The following HSD17B7 variants were observed in gnomAD, a reference collection of about 807,000 sequenced individuals.
The protein encoded by HSD17B7 is 3-keto-steroid reductase/17-beta-hydroxysteroid dehydrogenase 7.
In HSD17B7, 17 loss-of-function variants were observed where a neutral mutation model predicts 34.1. The observed-to-expected ratio is 0.50, with a 90% CI of 0.34 to 0.75. The LOEUF is 0.75. Ranked by LOEUF, HSD17B7 falls within the 30% of genes least tolerant of loss-of-function variation. The probability of loss-of-function intolerance (pLI) is 0.01; values close to 1 mark genes in which losing one functional copy is unlikely to be tolerated. For missense variants in HSD17B7, 296 were observed against 406.6 expected, an observed-to-expected ratio of 0.73 and a Z score of 2.34; for synonymous variants, 122 against 154.6, an observed-to-expected ratio of 0.79 and a Z score of 1.56.
chr1:162,810,519 CTTG>C (rs1444241592), intron 8 of HSD17B7, among the ~76,000 whole-genome samples: 6 of 152,194 alleles, frequency 3.9e-5, no homozygotes, highest in African/African-American at 1.2e-4. Flanking sequence ...AACTTTCTGT[CTTG>C]TTGATCTGTC....
intron 8 of HSD17B7, among the ~76,000 whole-genome samples, chr1:162,810,288 A>C (rs1030082278): frequency 6.6e-6 from 1 of 152,134 alleles, no homozygotes; most frequent in Admixed American, 6.5e-5. Flanking sequence ...CCTGAGTTCT[A>C]GTTTGATTGC....
Position 162,799,774 on chromosome 1 carries a change from G to C in HSD17B7, c.479G>C (p.Ser160Thr). The part of the protein sequence containing the change: ...IRELEPLLCH[S>T]DNPSQLIWTS... ...GAACTGGAGCCTCTCCTCTGTCACA[G>C]TGACAATCCATCTCAGCTCATCTGG... Residue 160 changes from serine (S) to threonine (T), a missense_variant, in exon 5 of 9, where the codon AGT (serine) becomes ACT (threonine). Physicochemically the swap from Ser to Thr is moderately conservative, Grantham distance 58. Transcript: ENST00000254521. The C allele has an allele frequency of 1.2e-6, 2 of 1,613,556 alleles. No homozygotes were observed. Among genetic ancestry groups the C allele is most frequent in the Non-Finnish European group, 1.7e-6 (2 of 1,179,804 alleles).
At chr1:162,797,977 G>T in intron 4 of HSD17B7, 61 bp downstream of exon 4, 2 of 1,577,496 alleles carry the variant, frequency 1.3e-6, no homozygotes, top group Non-Finnish European at 1.7e-6. Flanking sequence ...TAAAGCTCTG[G>T]GCACAGGGCA....
chr1:162,809,982 C>G lies in HSD17B7; in HGVS notation c.904-2316C>G, dbSNP rs566665949. Among the ~76,000 whole-genome samples, 407 of 151,702 alleles carry G rather than the reference C, an allele frequency of 2.7e-3. 1 individual carries two copies. Among genetic ancestry groups the G allele is most frequent in the African/African-American group, 9.2e-3 (381 of 41,336 alleles). ...TGCTCTGATCTTAGTTATTTCTTGCCTTCTGCTAGCTTTTGAATGTGTTTG... is the reference window on the plus strand; with the variant it reads ...TGCTCTGATCTTAGTTATTTCTTGCGTTCTGCTAGCTTTTGAATGTGTTTG... On this transcript the variant is annotated intron_variant, in intron 8 of 8. Transcript: ENST00000254521.
At chr1:162,800,373 C>T in intron 5 of HSD17B7, 7 of 434,662 alleles carry the variant, frequency 1.6e-5, no homozygotes, top group Non-Finnish European at 2.8e-5. Flanking sequence ...GAATTGAGCC[C>T]GAGGCTGTCT....
At chr1:162,794,400 G>A (rs946852000) in intron 2 of HSD17B7, among the ~76,000 whole-genome samples, 1 of 152,024 alleles carries the variant, frequency 6.6e-6, no homozygotes, top group African/African-American at 2.4e-5. Flanking sequence ...TGTGGCCTTA[G>A]TCCTTTGTAA....
At chr1:162,810,358 C>T (rs1649134098) in intron 8 of HSD17B7, among the ~76,000 whole-genome samples, 1 of 152,146 alleles carries the variant, frequency 6.6e-6, no homozygotes, top group African/African-American at 2.4e-5. Flanking sequence ...CTGAGGAATG[C>T]TTTACTTCCA....
At chr1:162,797,668 G>C in intron 3 of HSD17B7, 134 bp from the exon 4 acceptor site, 1 of 1,380,078 alleles carries the variant, frequency 7.2e-7, no homozygotes, top group Non-Finnish European at 9.6e-7. Context: ...TGAGAAATAG[G>C]TATTTTTATT....
chr1:162,812,080 T>C (rs1200397294), intron 8 of HSD17B7, among the ~76,000 whole-genome samples: 3 of 152,354 alleles, frequency 2.0e-5, no homozygotes, highest in South Asian at 4.1e-4. Context: ...TCAGTCTTGC[T>C]GTTTAAGGGA....
At chr1:162,810,941 C>G (rs28836851) in intron 8 of HSD17B7, among the ~76,000 whole-genome samples, 1 of 152,186 alleles carries the variant, frequency 6.6e-6, no homozygotes, top group Non-Finnish European at 1.5e-5. Flanking sequence ...TCATTTAGCC[C>G]ATTTACATTT....
chr1:162,800,225 T>C, intron 5 of HSD17B7: 1 of 550,674 alleles, frequency 1.8e-6, no homozygotes, highest in South Asian at 1.5e-5. Context: ...GCTGTATTCG[T>C]CTGTGTATGT....
chr1:162,796,546 A>T (rs1269644364), intron 2 of HSD17B7, 39 bp from the exon 3 acceptor site: 2 of 1,263,766 alleles, frequency 1.6e-6, no homozygotes, highest in Admixed American at 3.4e-5. Context: ...TGATGTTTTT[A>T]CTTGCAACTC....
intron 8 of HSD17B7, 150 bp from the exon 9 acceptor site, chr1:162,812,148 G>T (rs746010822): frequency 7.3e-6 from 7 of 964,650 alleles, no homozygotes; most frequent in Non-Finnish European, 1.0e-5. Flanking sequence ...ATGTCTTCAG[G>T]CTCTCAGCTT....
chr1:162,810,114 G>A (rs1326617626), intron 8 of HSD17B7, among the ~76,000 whole-genome samples: 1 of 152,150 alleles, frequency 6.6e-6, no homozygotes, highest in Admixed American at 6.6e-5. Flanking sequence ...TCTACACACT[G>A]CTTTAAATGT....
At chr1:162,803,402 G>T (rs561012380) in intron 5 of HSD17B7, 29 bp from the exon 6 acceptor site, 9 of 1,606,154 alleles carry the variant, frequency 5.6e-6, no homozygotes, top group Admixed American at 3.4e-5. Context: ...CTGAGTTAAA[G>T]TCTCATTGCT....
At chr1:162,806,078 C>A (rs1276382367) in intron 8 of HSD17B7, among the ~76,000 whole-genome samples, 1 of 152,068 alleles carries the variant, frequency 6.6e-6, no homozygotes, top group African/African-American at 2.4e-5. Flanking sequence ...AATGTCAGTA[C>A]TGTGTTTTTT....
rs1190734390 is a variant in HSD17B7, at chr1:162,796,581, G to A, written c.240-4G>A. 5 of 1,581,060 alleles carry A rather than the reference G, an allele frequency of 3.2e-6. No individual in the cohort carries two copies. Among genetic ancestry groups the A allele is most frequent in the East Asian group, 2.2e-5 (1 of 44,676 alleles). On this transcript the variant is annotated splice_polypyrimidine_tract_variant and splice_region_variant and intron_variant, in intron 2 of 8. Coordinates refer to ENST00000254521, the MANE Select transcript of HSD17B7 (RefSeq NM_016371.4). Reference sequence around the variant, plus strand: ...CACAATCTTGTTTGGTGGTTTACTTGCAGGTTTCAGAGATTAGACTGTATA... The same window carrying A: ...CACAATCTTGTTTGGTGGTTTACTTACAGGTTTCAGAGATTAGACTGTATA...
chr1:162,804,464 A>C (rs1226963193), intron 7 of HSD17B7, 141 bp downstream of exon 7: 3 of 612,844 alleles, frequency 4.9e-6, no homozygotes, highest in Non-Finnish European at 8.6e-6. Flanking sequence ...TTTGGAACTA[A>C]AGCGGACTAT....
Position 162,803,425 on chromosome 1 carries a change from T to A in HSD17B7, c.643-6T>A. 6.2e-7 allele frequency: 1 copy of A among 1,611,926 alleles called. No homozygotes were observed. Reference sequence around the variant, plus strand: ...AAGTCTCATTGCTACACCTCTCTGTTCCTAGGGTCTCTATTCCAATGTGGC... The same window carrying A: ...AAGTCTCATTGCTACACCTCTCTGTACCTAGGGTCTCTATTCCAATGTGGC... On this transcript the variant is annotated splice_region_variant and splice_polypyrimidine_tract_variant and intron_variant, in intron 5 of 8. Coordinates refer to ENST00000254521, the MANE Select transcript of HSD17B7 (RefSeq NM_016371.4).
Sources: gnomAD v4.1 joint callset for allele counts (sites outside exome capture counted in the v4.1 genomes callset) on GRCh38, gnomAD v4.1.1 for gene constraint, MANE v1.5 for transcripts, NCBI Gene and HGNC (gene_info 2026-07-23, HGNC 2026-07-21) for gene names.